CAP2: variants seen among roughly 807,000 people sequenced by gnomAD.
CAP2 encodes the protein adenylyl cyclase-associated protein 2.
CAP2 carries 24 observed loss-of-function variants against 57.7 expected under a neutral mutation model. The ratio of observed to expected loss-of-function variants is 0.42; its 90% confidence interval spans 0.30 to 0.58. The LOEUF (loss-of-function observed/expected upper bound fraction) is 0.58, where lower values mean the gene tolerates loss of function less well. Among genes scored for constraint, CAP2 ranks in the 20% least tolerant of loss-of-function variants. The pLI, the probability that CAP2 is intolerant of heterozygous loss-of-function variation, is 0.22. For synonymous variants in CAP2, 194 were observed against 207.2 expected, an observed-to-expected ratio of 0.94 and a Z score of 0.55; for missense variants, 501 against 590.3, an observed-to-expected ratio of 0.85 and a Z score of 1.57.
intron 4 of CAP2, among the ~76,000 whole-genome samples, chr6:17,505,473 G>A (rs746772530): frequency 2.4e-4 from 37 of 152,054 alleles, no homozygotes; most frequent in Non-Finnish European, 4.7e-4. Flanking sequence ...GGCCACCCCC[G>A]GACCCGTTAA....
At chr6:17,484,023 A>G (rs1457743960) in intron 4 of CAP2, among the ~76,000 whole-genome samples, 1 of 151,962 alleles carries the variant, frequency 6.6e-6, no homozygotes, top group Non-Finnish European at 1.5e-5. Flanking sequence ...GGCAACTGCT[A>G]CACTCCCAAG....
intron 4 of CAP2, among the ~76,000 whole-genome samples, chr6:17,500,384 T>TATATATATATATATG (rs869066480): frequency 8.0e-6 from 1 of 124,846 alleles, no homozygotes; most frequent in Non-Finnish European, 1.7e-5. Context: ...TATATATATA[T>TATATATATATATATG]TTGGAGACGG....
Position 17,428,809 on chromosome 6 carries a change from C to T in CAP2, c.222+2119C>T, listed in dbSNP as rs113380185. On this transcript the variant is annotated intron_variant, in intron 3 of 12. Transcript: ENST00000229922. ...AAGTTAAAAAAAGTATAAAGGGATT[C>T]TCTTTTTGCTCCCCTCCCAATTAGA... Among the ~76,000 whole-genome samples, 1,098 of 152,172 alleles carry T rather than the reference C, an allele frequency of 7.2e-3. 8 individuals carry two copies. The highest frequency in any genetic ancestry group is 0.012 in the Non-Finnish European group (805 of 67,986).
intron 7 of CAP2, 96 bp from the exon 8 acceptor site, chr6:17,539,173 C>G (rs1762841648): frequency 8.7e-7 from 1 of 1,151,822 alleles, no homozygotes; most frequent in African/African-American, 1.5e-5. Flanking sequence ...TTCAACCCCA[C>G]TCTCTCATTG....
At chr6:17,515,758 G>A (rs9383289) in intron 7 of CAP2, among the ~76,000 whole-genome samples, 73,160 of 151,986 alleles carry the variant, frequency 0.48, 18,851 homozygotes, top group East Asian at 0.59. Context: ...GTACCTAGGC[G>A]ATCCTAGGAC....
chr6:17,439,774 C>T (rs745537245), intron 3 of CAP2, among the ~76,000 whole-genome samples: 3 of 151,228 alleles, frequency 2.0e-5, no homozygotes, highest in Non-Finnish European at 2.9e-5. Context: ...GGAGCTCGGG[C>T]GGTAATGCAA....
intron 3 of CAP2, among the ~76,000 whole-genome samples, chr6:17,432,939 TCCTC>T (rs200882241): frequency 0.026 from 3,875 of 148,268 alleles, 91 homozygotes; most frequent in Non-Finnish European, 0.033. Flanking sequence ...CCCTTCTTTT[TCCTC>T]CCTCCCTCCC....
intron 12 of CAP2, 117 bp downstream of exon 12, chr6:17,551,721 G>T (rs1005310459): frequency 5.3e-6 from 4 of 756,284 alleles, no homozygotes; most frequent in Non-Finnish European, 8.5e-6. Flanking sequence ...TAATTCACAG[G>T]CAGGCGAGGA....
chr6:17,400,864 C>G (rs957075494), intron 1 of CAP2, among the ~76,000 whole-genome samples: 5 of 104,246 alleles, frequency 4.8e-5, no homozygotes, highest in Admixed American at 1.0e-4. Context: ...GACTCCGTCT[C>G]AAAAAAAAAA....
At chr6:17,445,860 G>A (rs1035873679) in intron 3 of CAP2, among the ~76,000 whole-genome samples, 9 of 152,144 alleles carry the variant, frequency 5.9e-5, no homozygotes, top group African/African-American at 1.7e-4. Context: ...GAACAGCACC[G>A]CCGCACGTGC....
At position 17,482,507 on chromosome 6, in the gene CAP2, C is replaced by CAAA. The variant is rs60053497; in HGVS notation, c.300+19464_300+19466dup. 1.7e-3 allele frequency among the ~76,000 whole-genome samples: 120 copies of CAAA among 70,786 alleles called. 1 individual carries two copies. Among genetic ancestry groups the CAAA allele is most frequent in the Non-Finnish European group, 2.1e-3 (76 of 35,564 alleles). 46.4% of individuals were successfully genotyped at this position (70,786 alleles called of 152,430 possible). A position where few individuals can be genotyped will look rare whatever the true frequency, so the allele number is the denominator to read the frequency against. ...CTGGTGAGAGAGCGAGACTCCATCT[C>CAAA]AAAAAAAAAAAAAAAAAAAAAAAAA... On this transcript the variant is annotated intron_variant, in intron 4 of 12. Coordinates refer to ENST00000229922, the MANE Select transcript of CAP2 (RefSeq NM_006366.3).
chr6:17,554,743 G>A (rs918637484), intron 12 of CAP2, among the ~76,000 whole-genome samples: 1 of 152,252 alleles, frequency 6.6e-6, no homozygotes, highest in African/African-American at 2.4e-5. Flanking sequence ...AGGAGGCCCA[G>A]AAGACAGGTC....
chr6:17,424,216 C>A (rs1355966349), intron 2 of CAP2, among the ~76,000 whole-genome samples: 3 of 152,024 alleles, frequency 2.0e-5, no homozygotes, highest in African/African-American at 4.8e-5. Context: ...CTGGCTAACA[C>A]GGTGAAACTC....
intron 3 of CAP2, among the ~76,000 whole-genome samples, chr6:17,431,240 A>G (rs968741111): frequency 6.6e-6 from 1 of 152,144 alleles, no homozygotes; most frequent in Non-Finnish European, 1.5e-5. Context: ...CTGTACACCA[A>G]ACCTCCGCGA....
chr6:17,427,409 G>T (rs1759621821), intron 3 of CAP2, among the ~76,000 whole-genome samples: 1 of 152,120 alleles, frequency 6.6e-6, no homozygotes, highest in Non-Finnish European at 1.5e-5. Flanking sequence ...TGGCTGAGCT[G>T]ACTCAGTCAC....
intron 3 of CAP2, among the ~76,000 whole-genome samples, chr6:17,460,743 C>T (rs906129471): frequency 2.0e-5 from 3 of 152,126 alleles, no homozygotes; most frequent in Non-Finnish European, 4.4e-5. Flanking sequence ...CTCTACGATT[C>T]AATCATAACT....
At chr6:17,450,394 A>G (rs1561787911) in intron 3 of CAP2, among the ~76,000 whole-genome samples, 1 of 152,290 alleles carries the variant, frequency 6.6e-6, no homozygotes, top group East Asian at 1.9e-4. Context: ...AAATTTGTTT[A>G]AATTGCCTCT....
At chr6:17,500,275 C>T (rs1476878352) in intron 4 of CAP2, among the ~76,000 whole-genome samples, 1 of 140,972 alleles carries the variant, frequency 7.1e-6, no homozygotes, top group African/African-American at 2.7e-5. Flanking sequence ...TTGCTGCTGA[C>T]TTTAAATGGT....
chr6:17,509,337 T>C (rs1762081612), intron 6 of CAP2, among the ~76,000 whole-genome samples: 1 of 152,084 alleles, frequency 6.6e-6, no homozygotes, highest in Non-Finnish European at 1.5e-5. Flanking sequence ...AAAAAATACC[T>C]ATACATCCAT....
Sources: allele counts gnomAD v4.1 joint callset (sites outside exome capture counted in the v4.1 genomes callset), GRCh38; gene constraint gnomAD v4.1.1; transcripts MANE v1.5; gene names NCBI Gene and HGNC (gene_info 2026-07-23, HGNC 2026-07-21).